CSMD1: variants seen among roughly 807,000 people sequenced by gnomAD.
The protein encoded by CSMD1 is CUB and sushi domain-containing protein 1.
In CSMD1, 213 loss-of-function variants were observed where a neutral mutation model predicts 417.5. The observed-to-expected ratio is 0.51, with a 90% CI of 0.46 to 0.57. The LOEUF (loss-of-function observed/expected upper bound fraction) is 0.57, where lower values mean the gene tolerates loss of function less well. Among genes scored for constraint, CSMD1 ranks in the 20% least tolerant of loss-of-function variants. The pLI, the probability that CSMD1 is intolerant of heterozygous loss-of-function variation, is 0.00. For synonymous variants in CSMD1, 2,862 were observed against 1,736.8 expected (o/e 1.65, Z -16.11); for missense variants, 6,923 against 4,529.7 (o/e 1.53, Z -15.17).
In CSMD1 at chr8:4,689,477, G is replaced by A. The variant is rs571221077; in HGVS notation, c.86-51919C>T. Among the ~76,000 whole-genome samples the A allele has an allele frequency of 2.0e-5, 3 of 152,208 alleles. No homozygotes were observed. In the East Asian group the frequency reaches 5.8e-4, roughly 29 times the overall value. On this transcript the variant is annotated intron_variant, in intron 1 of 69. Transcript: ENST00000635120. ...ATTAGAAGGATTTGTGGGGAAAAAA[G>A]GGTTTTCTTTATGACGTATTTCTTG...
intron 1 of CSMD1, among the ~76,000 whole-genome samples, chr8:4,714,574 T>A (rs1036844910): frequency 2.6e-5 from 4 of 152,172 alleles, no homozygotes. Flanking sequence ...TTTCCCAAGT[T>A]CATAGGGTTA....
At chr8:4,772,162 A>T (rs7816044) in intron 1 of CSMD1, among the ~76,000 whole-genome samples, 121,647 of 151,922 alleles carry the variant, frequency 0.8, 49,210 homozygotes, top group East Asian at 0.97. Context: ...GGTGGTAGGG[A>T]TGAAGTCCTG....
intron 3 of CSMD1, among the ~76,000 whole-genome samples, chr8:4,305,051 C>G (rs1798172912): frequency 6.6e-6 from 1 of 152,202 alleles, no homozygotes; most frequent in South Asian, 2.1e-4. Flanking sequence ...CTTTTCAACA[C>G]AGGCACCTAT....
chr8:3,738,388 T>G (rs1376689035), intron 6 of CSMD1, among the ~76,000 whole-genome samples: 1 of 152,216 alleles, frequency 6.6e-6, no homozygotes, highest in Non-Finnish European at 1.5e-5. Flanking sequence ...TGTACATTCT[T>G]CTCATAAAAT....
intron 4 of CSMD1, among the ~76,000 whole-genome samples, chr8:4,029,621 G>C (rs1420521911): frequency 6.6e-6 from 1 of 152,076 alleles, no homozygotes. Context: ...TGAGGTTTTG[G>C]TAGGGACACA....
At chr8:4,062,002 T>G (rs765866221) in intron 3 of CSMD1, among the ~76,000 whole-genome samples, 37 of 152,108 alleles carry the variant, frequency 2.4e-4, no homozygotes, top group Non-Finnish European at 4.3e-4. Flanking sequence ...GTCTGAGAGG[T>G]CAAGGTGTAG....
chr8:3,230,894 A>T (rs1798794990), intron 26 of CSMD1, among the ~76,000 whole-genome samples: 1 of 152,156 alleles, frequency 6.6e-6, no homozygotes, highest in South Asian at 2.1e-4. Context: ...AAGAATCTCA[A>T]ATCTGCTGAG....
intron 5 of CSMD1, among the ~76,000 whole-genome samples, chr8:3,816,412 A>G (rs956173104): frequency 2.0e-5 from 3 of 152,208 alleles, no homozygotes; most frequent in Non-Finnish European, 2.9e-5. Context: ...CCACATTCAC[A>G]TAACTTTTAT....
At chr8:4,809,584 C>G (rs1020994495) in intron 1 of CSMD1, among the ~76,000 whole-genome samples, 13 of 152,154 alleles carry the variant, frequency 8.5e-5, no homozygotes, top group African/African-American at 1.4e-4. Flanking sequence ...CTCCCTACAG[C>G]TAGACCAAAA....
intron 5 of CSMD1, among the ~76,000 whole-genome samples, chr8:3,892,715 GTTTTTTTT>G (rs35178951): frequency 9.3e-6 from 1 of 107,090 alleles, no homozygotes; most frequent in Non-Finnish European, 1.9e-5. Context: ...ATTTAGGCAG[GTTTTTTTT>G]TTTTTTTTTT....
chr8:3,877,506 T>A (rs912335662), intron 5 of CSMD1, among the ~76,000 whole-genome samples: 12 of 152,284 alleles, frequency 7.9e-5, no homozygotes, highest in Admixed American at 5.9e-4. Context: ...GGAAATTTAC[T>A]TATGGATACC....
At chr8:3,298,903 G>C (rs1218606685) in intron 25 of CSMD1, among the ~76,000 whole-genome samples, 2 of 152,120 alleles carry the variant, frequency 1.3e-5, no homozygotes, top group African/African-American at 4.8e-5. Context: ...CTGGTTACAT[G>C]GGGGTGTTTC....
chr8:3,270,624 A>G (rs911002203), intron 26 of CSMD1, among the ~76,000 whole-genome samples: 1 of 152,216 alleles, frequency 6.6e-6, no homozygotes, highest in Non-Finnish European at 1.5e-5. Context: ...ATATAGGTAT[A>G]ATGTGTTCTT....
chr8:4,730,238 C>CAAAACATATAT (rs1554460301), intron 1 of CSMD1, among the ~76,000 whole-genome samples: 2 of 151,454 alleles, frequency 1.3e-5, no homozygotes, highest in African/African-American at 4.9e-5. Context: ...CAAAACAAAA[C>CAAAACATATAT]ATATATATAT....
At chr8:4,933,618 A>G (rs1211542753) in intron 1 of CSMD1, among the ~76,000 whole-genome samples, 1 of 152,190 alleles carries the variant, frequency 6.6e-6, no homozygotes, top group Non-Finnish European at 1.5e-5. Flanking sequence ...TGCAGACCCC[A>G]CAACCACAAT....
chr8:4,427,378 G>A (rs532570338), intron 2 of CSMD1, among the ~76,000 whole-genome samples: 1 of 152,044 alleles, frequency 6.6e-6, no homozygotes, highest in Non-Finnish European at 1.5e-5. Context: ...CTGGAACCAG[G>A]TGCTTTATCA....
intron 5 of CSMD1, among the ~76,000 whole-genome samples, chr8:3,914,674 T>A (rs78006712): frequency 0.011 from 1,617 of 152,286 alleles, 22 homozygotes; most frequent in African/African-American, 0.037. Context: ...ATGCATTAAG[T>A]CAGCTTGGTT....
At chr8:3,801,773 A>G (rs1266528973) in intron 5 of CSMD1, among the ~76,000 whole-genome samples, 1 of 152,192 alleles carries the variant, frequency 6.6e-6, no homozygotes, top group Non-Finnish European at 1.5e-5. Context: ...ATACACATTC[A>G]GTAGCATTTT....
chr8:3,621,043 G>C (rs3116144), intron 7 of CSMD1, among the ~76,000 whole-genome samples: 101,256 of 151,694 alleles, frequency 0.67, 34,223 homozygotes, highest in African/African-American at 0.74. Flanking sequence ...TAAGTTAGCA[G>C]AAGAATACAT....
Sources: gnomAD v4.1 joint callset for allele counts (sites outside exome capture counted in the v4.1 genomes callset) on GRCh38, gnomAD v4.1.1 for gene constraint, MANE v1.5 for transcripts, NCBI Gene and HGNC (gene_info 2026-07-23, HGNC 2026-07-21) for gene names.